Variants in FNBP1 observed in about 807,000 individuals in gnomAD.
The protein encoded by FNBP1 is formin-binding protein 1.
Under a neutral mutation model 90.6 loss-of-function variants are expected in FNBP1, and 26 were observed. That is an observed-to-expected ratio of 0.29 (90% CI 0.21 to 0.40). The LOEUF (loss-of-function observed/expected upper bound fraction) is 0.40. FNBP1 is among the 10% of genes least tolerant of loss of function. The pLI is 1.00. For missense variants in FNBP1, 635 were observed against 768.0 expected (o/e 0.83, Z 2.05); for synonymous variants, 260 against 265.2 (o/e 0.98, Z 0.19).
In FNBP1 at chr9:129,974,095, T is replaced by C. The variant is rs146891271; in HGVS notation, c.345+4370A>G. Reference sequence around the variant, plus strand: ...GCCTCAGCCTCCCAATTGCTGGGATTACAGGCGTGAGTCACCGCGCCCAGC... The same window carrying C: ...GCCTCAGCCTCCCAATTGCTGGGATCACAGGCGTGAGTCACCGCGCCCAGC... On this transcript the variant is annotated intron_variant, in intron 4 of 16. Coordinates refer to ENST00000446176, the MANE Select transcript of FNBP1 (RefSeq NM_015033.3). 5.9e-5 allele frequency among the ~76,000 whole-genome samples: 9 copies of C among 152,314 alleles called. No individual in the cohort carries two copies. In the East Asian group the frequency reaches 1.7e-3, roughly 29 times the overall value.
intron 1 of FNBP1, among the ~76,000 whole-genome samples, chr9:130,009,978 CAAAAAAAAA>C (rs68122821): frequency 1.4e-5 from 1 of 69,932 alleles, no homozygotes; most frequent in African/African-American, 4.7e-5. Flanking sequence ...GACCCAGTCT[CAAAAAAAAA>C]AAAAAAAAAA....
chr9:129,954,153 ATAT>A (rs2046585175), intron 6 of FNBP1, among the ~76,000 whole-genome samples: 1 of 152,178 alleles, frequency 6.6e-6, no homozygotes, highest in African/African-American at 2.4e-5. Flanking sequence ...AGGTGAGAAC[ATAT>A]TATGGGCAAC....
chr9:129,946,672 G>A (rs529620133), intron 6 of FNBP1, among the ~76,000 whole-genome samples: 13 of 152,162 alleles, frequency 8.5e-5, no homozygotes, highest in South Asian at 4.1e-4. Flanking sequence ...TGTTACTGGC[G>A]TTTAAAAAAC....
chr9:129,897,120 C>T (rs985735205), intron 15 of FNBP1, among the ~76,000 whole-genome samples: 6 of 152,218 alleles, frequency 3.9e-5, no homozygotes, highest in Admixed American at 1.3e-4. Flanking sequence ...TTTTCCACTT[C>T]CCTAGACCTC....
chr9:130,020,317 T>C (rs1199206950), intron 1 of FNBP1, among the ~76,000 whole-genome samples: 2 of 151,948 alleles, frequency 1.3e-5, no homozygotes, highest in Non-Finnish European at 2.9e-5. Context: ...CAAGTGATTC[T>C]TGTTGCCTCA....
chr9:129,934,070 T>A (rs1203085363), intron 6 of FNBP1, among the ~76,000 whole-genome samples: 1 of 152,216 alleles, frequency 6.6e-6, no homozygotes, highest in Non-Finnish European at 1.5e-5. Flanking sequence ...GAGAACTTAT[T>A]TGGGATAACA....
rs528303128 is a variant in FNBP1 at position 129,914,140 on chromosome 9, G to C, written c.1185+1826C>G. Among the ~76,000 whole-genome samples, 8 of 150,452 alleles carry C rather than the reference G, an allele frequency of 5.3e-5. No individual in the cohort carries two copies. In the East Asian group the frequency reaches 1.6e-3, roughly 29 times the overall value. ...CAAAGTGCAGAGATTACAGGCGTGAGCCACCACACCTGGTCCCACATCTTT... is the reference window on the plus strand; with the variant it reads ...CAAAGTGCAGAGATTACAGGCGTGACCCACCACACCTGGTCCCACATCTTT... On this transcript the variant is annotated intron_variant, in intron 11 of 16. Coordinates refer to ENST00000446176, the MANE Select transcript of FNBP1 (RefSeq NM_015033.3).
chr9:129,905,312 A>ATATATATATATT (rs1327228641), intron 12 of FNBP1, among the ~76,000 whole-genome samples: 8 of 146,416 alleles, frequency 5.5e-5, no homozygotes, highest in Admixed American at 1.4e-4. Context: ...ATATATATAT[A>ATATATATATATT]TTTTGTTAAT....
intron 16 of FNBP1, among the ~76,000 whole-genome samples, chr9:129,894,493 A>T (rs770167206): frequency 2.0e-5 from 3 of 152,210 alleles, no homozygotes; most frequent in Non-Finnish European, 2.9e-5. Flanking sequence ...AAACAAAACA[A>T]AACAAAAACA....
chr9:129,971,843 A>C (rs1270764527), intron 4 of FNBP1, among the ~76,000 whole-genome samples: 1 of 152,248 alleles, frequency 6.6e-6, no homozygotes, highest in African/African-American at 2.4e-5. Flanking sequence ...ATTTAAACAC[A>C]GCAAAATGTA....
chr9:130,029,243 C>T (rs1487664578), intron 1 of FNBP1, among the ~76,000 whole-genome samples: 1 of 151,944 alleles, frequency 6.6e-6, no homozygotes, highest in African/African-American at 2.4e-5. Flanking sequence ...GTAGCCTCAA[C>T]TTCCTGAGCT....
rs560930393 is a variant in FNBP1, at chr9:129,987,949, T to C, written c.140+6894A>G. Among the ~76,000 whole-genome samples, 36 of 152,224 alleles carry C rather than the reference T, an allele frequency of 2.4e-4. 2 individuals are homozygous for C. In the South Asian group the frequency reaches 7.0e-3, roughly 30 times the overall value. On this transcript the variant is annotated intron_variant, in intron 2 of 16. Coordinates refer to ENST00000446176, the MANE Select transcript of FNBP1 (RefSeq NM_015033.3). ...ATGATTTCTACCTAGTTACCCTCTATATACAATGAGCTCCAATTAAAAACA... is the reference window on the plus strand; with the variant it reads ...ATGATTTCTACCTAGTTACCCTCTACATACAATGAGCTCCAATTAAAAACA...
Position 129,973,667 on chromosome 9 carries a change from A to AT in FNBP1, c.345+4797dup, listed in dbSNP as rs745641781. On this transcript the variant is annotated intron_variant, in intron 4 of 16. Coordinates refer to ENST00000446176, the MANE Select transcript of FNBP1 (RefSeq NM_015033.3). ...AGGCGCCCGCCACCATGCCCGGCTA[A>AT]TTTTTTTTTTTTTTTTTTAGTAGAG... Among the ~76,000 whole-genome samples, 403 of 135,314 alleles carry AT rather than the reference A, an allele frequency of 3.0e-3. 4 individuals carry two copies. The highest frequency in any genetic ancestry group is 0.019 in the East Asian group (88 of 4,646). 88.8% of individuals were successfully genotyped at this position (135,314 alleles called of 152,430 possible). A position where few individuals can be genotyped will look rare whatever the true frequency, so the allele number is the denominator to read the frequency against.
At chr9:130,045,046 G>GT (rs1281389449), upstream of FNBP1, 2 of 152,102 alleles carry the variant, frequency 1.3e-5, no homozygotes, top group Admixed American at 6.5e-5. Context: ...TACTTCCTTT[G>GT]TTGGGCAGTT....
At chr9:130,022,363 C>T (rs1343684716) in intron 1 of FNBP1, among the ~76,000 whole-genome samples, 1 of 151,930 alleles carries the variant, frequency 6.6e-6, no homozygotes, top group African/African-American at 2.4e-5. Flanking sequence ...CGCCAAGATG[C>T]CCGGTTAATT....
intron 1 of FNBP1, among the ~76,000 whole-genome samples, chr9:130,007,156 C>A (rs2131584504): frequency 7.1e-6 from 1 of 141,718 alleles, no homozygotes; most frequent in South Asian, 2.3e-4. Flanking sequence ...GTGGAAGGAT[C>A]ACTTGAGCCT....
chr9:129,931,881 A>AGAC lies in FNBP1; in HGVS notation c.514-2187_514-2186insGTC, dbSNP rs1564364584. ...GAAAGAAAATCAGAAACACAAGAAA[A>AGAC]AGACAGAAAAGAAGAAAAGAGAGAA... On this transcript the variant is annotated intron_variant, in intron 6 of 16. Transcript: ENST00000446176. Among the ~76,000 whole-genome samples the AGAC allele has an allele frequency of 4.0e-5, 6 of 151,760 alleles. No homozygotes were observed. In the South Asian group the frequency reaches 8.3e-4, roughly 21 times the overall value.
intron 1 of FNBP1, among the ~76,000 whole-genome samples, chr9:130,036,149 A>C (rs1469290449): frequency 6.6e-6 from 1 of 152,204 alleles, no homozygotes; most frequent in Non-Finnish European, 1.5e-5. Flanking sequence ...ACATTCTAAA[A>C]TCTAATTAGA....
intron 10 of FNBP1, among the ~76,000 whole-genome samples, chr9:129,917,321 A>C (rs2040412159): frequency 6.6e-6 from 1 of 151,476 alleles, no homozygotes; most frequent in South Asian, 2.1e-4. Flanking sequence ...TGCTCTTTTT[A>C]AAGTATTTAT....
Sources: allele counts gnomAD v4.1 joint callset (sites outside exome capture counted in the v4.1 genomes callset), GRCh38; gene constraint gnomAD v4.1.1; transcripts MANE v1.5; gene names NCBI Gene and HGNC (gene_info 2026-07-23, HGNC 2026-07-21).